The following MEIS1 variants were observed in gnomAD, a reference collection of about 807,000 sequenced individuals.
MEIS1 encodes homeobox protein Meis1.
In MEIS1, 5 loss-of-function variants were observed where a neutral mutation model predicts 50.8. The observed-to-expected ratio is 0.10, with a 90% confidence interval of 0.05 to 0.21. The LOEUF (loss-of-function observed/expected upper bound fraction) is 0.21, where lower values mean the gene tolerates loss of function less well. Among genes scored for constraint, MEIS1 ranks in the 10% least tolerant of loss-of-function variants. MEIS1 has a pLI of 1.00. For missense variants in MEIS1, 318 were observed against 517.3 expected, an observed-to-expected ratio of 0.61 and a Z score of 3.74; for synonymous variants, 176 against 179.3, an observed-to-expected ratio of 0.98 and a Z score of 0.15.
In MEIS1 at chr2:66,435,234, A is replaced by T. The variant is rs1291690603; in HGVS notation, c.-623A>T. The T allele has an allele frequency of 1.3e-5, 2 of 152,634 alleles. No homozygotes were observed. Among genetic ancestry groups the T allele is most frequent in the Non-Finnish European group, 2.9e-5 (2 of 68,380 alleles). 9.5% of individuals were successfully genotyped at this position (152,634 alleles called of 1,614,324 possible). On this transcript the variant is annotated 5_prime_UTR_variant, in exon 1 of 13. Coordinates refer to ENST00000272369, the MANE Select transcript of MEIS1 (RefSeq NM_002398.3). ...GCTCCTTTAAGACAAACTCAGACAGACATTTTTTTTAACCCTCCTTCTCTA... is the reference window on the plus strand; with the variant it reads ...GCTCCTTTAAGACAAACTCAGACAGTCATTTTTTTTAACCCTCCTTCTCTA...
chr2:66,562,592 G>C (rs1201580048), intron 9 of MEIS1, among the ~76,000 whole-genome samples: 1 of 151,926 alleles, frequency 6.6e-6, no homozygotes, highest in Admixed American at 6.6e-5. Context: ...TTGCTCCCCT[G>C]CCAACTTTCC....
intron 7 of MEIS1, among the ~76,000 whole-genome samples, chr2:66,498,213 G>A (rs903494560): frequency 5.9e-5 from 9 of 152,016 alleles, no homozygotes; most frequent in African/African-American, 1.4e-4. Context: ...ACTCACATTC[G>A]CTGAGCTAAG....
At chr2:66,519,703 A>C (rs895049817) in intron 8 of MEIS1, among the ~76,000 whole-genome samples, 3 of 152,220 alleles carry the variant, frequency 2.0e-5, no homozygotes, top group African/African-American at 7.2e-5. Flanking sequence ...CCTCTATCTA[A>C]AGAAAAGGTA....
Position 66,469,810 on chromosome 2 carries a change from A to G in MEIS1, c.742+5590A>G, listed in dbSNP as rs572865947. Among the ~76,000 whole-genome samples the G allele has an allele frequency of 2.0e-5, 3 of 152,246 alleles. No individual in the cohort carries two copies. The East Asian group carries it at 5.8e-4, about 29-fold the overall frequency. ...TTGAGAGTGGTTGAGGCCACAGAAG[A>G]TATTTTAATTTGAAAAACTACCGTA... On this transcript the variant is annotated intron_variant, in intron 7 of 12. Transcript: ENST00000272369.
intron 7 of MEIS1, among the ~76,000 whole-genome samples, chr2:66,476,688 C>A (rs1672900745): frequency 6.6e-6 from 1 of 152,144 alleles, no homozygotes; most frequent in Non-Finnish European, 1.5e-5. Flanking sequence ...CCATGGTGGC[C>A]ATTTTTAATG....
In MEIS1 at chr2:66,452,043, A is replaced by G. The variant is rs114260783; in HGVS notation, c.630+8995A>G. The stretch of plus-strand genomic sequence containing the variant: ...TATATAGAAAATTTGAAATAGCAGC[A>G]AATAGGTAAGATGCTATTTGCTATT... On this transcript the variant is annotated intron_variant, in intron 6 of 12. Transcript: ENST00000272369. Among the ~76,000 whole-genome samples the G allele has an allele frequency of 2.2e-3, 342 of 152,108 alleles. 1 individual carries two copies. The highest frequency in any genetic ancestry group is 7.3e-3 in the African/African-American group (302 of 41,570).
intron 8 of MEIS1, among the ~76,000 whole-genome samples, chr2:66,520,203 G>A (rs1266768361): frequency 2.6e-5 from 4 of 151,870 alleles, no homozygotes; most frequent in East Asian, 1.9e-4. Flanking sequence ...GGCCGGGCGC[G>A]GTGGCTCATG....
At chr2:66,491,357 T>C (rs778468098) in intron 7 of MEIS1, among the ~76,000 whole-genome samples, 1 of 152,242 alleles carries the variant, frequency 6.6e-6, no homozygotes, top group Non-Finnish European at 1.5e-5. Flanking sequence ...GCCCTTTCAA[T>C]TGCAGGTTAA....
At chr2:66,533,607 C>T (rs1016034019) in intron 8 of MEIS1, among the ~76,000 whole-genome samples, 2 of 152,184 alleles carry the variant, frequency 1.3e-5, no homozygotes, top group South Asian at 4.1e-4. Context: ...GAAGTTGTAG[C>T]TAAGCATAAA....
At chr2:66,452,053 G>T (rs1672288532) in intron 6 of MEIS1, among the ~76,000 whole-genome samples, 1 of 151,884 alleles carries the variant, frequency 6.6e-6, no homozygotes, top group South Asian at 2.1e-4. Flanking sequence ...AAATAGGTAA[G>T]ATGCTATTTG....
chr2:66,518,095 A>G (rs1159964141), intron 8 of MEIS1, among the ~76,000 whole-genome samples: 2 of 152,112 alleles, frequency 1.3e-5, no homozygotes, highest in East Asian at 1.9e-4. Context: ...TTTCTTCCCC[A>G]CTTGTAGTTA....
intron 2 of MEIS1, 84 bp from the exon 3 acceptor site, chr2:66,439,759 C>T (rs1671907540): frequency 1.2e-6 from 2 of 1,605,108 alleles, no homozygotes; most frequent in Admixed American, 1.7e-5. Flanking sequence ...CCTCTTGCTC[C>T]TCCAGCTGTT....
At chr2:66,495,342 G>C (rs1037306233) in intron 7 of MEIS1, among the ~76,000 whole-genome samples, 12 of 152,004 alleles carry the variant, frequency 7.9e-5, no homozygotes, top group African/African-American at 2.9e-4. Flanking sequence ...TCCAGCTTTG[G>C]GTCTGCAGTG....
intron 8 of MEIS1, among the ~76,000 whole-genome samples, chr2:66,521,239 A>G (rs561250425): frequency 1.3e-5 from 2 of 152,334 alleles, no homozygotes; most frequent in East Asian, 3.9e-4. Flanking sequence ...TTACAGAAAT[A>G]TGTAATTCTC....
At chr2:66,450,606 C>G (rs907985609) in intron 6 of MEIS1, among the ~76,000 whole-genome samples, 1 of 152,074 alleles carries the variant, frequency 6.6e-6, no homozygotes, top group African/African-American at 2.4e-5. Context: ...TACGTTTTAA[C>G]CAAATACAAA....
chr2:66,469,954 T>C (rs1672729038), intron 7 of MEIS1, among the ~76,000 whole-genome samples: 1 of 151,362 alleles, frequency 6.6e-6, no homozygotes, highest in South Asian at 2.1e-4. Context: ...CACGAAAAAA[T>C]CTAACATATT....
Position 66,513,439 on chromosome 2 carries a change from C to T in MEIS1, c.888+1145C>T, listed in dbSNP as rs368140398. On this transcript the variant is annotated intron_variant, in intron 8 of 12. Transcript: ENST00000272369. ...AAGCCATGTTCCTCAGTGAGTTTTA[C>T]GGGTACAGAGATACAAACTCAGGGG... Among the ~76,000 whole-genome samples, 159 of 152,138 alleles carry T rather than the reference C, an allele frequency of 1.0e-3. No homozygotes were observed. The Middle Eastern group carries it at 0.014, about 13-fold the overall frequency.
intron 8 of MEIS1, among the ~76,000 whole-genome samples, chr2:66,539,751 TA>T (rs1274042272): frequency 6.6e-6 from 1 of 152,206 alleles, no homozygotes; most frequent in South Asian, 2.1e-4. Context: ...CTACTATTAA[TA>T]AAGTTCCTTT....
chr2:66,542,265 T>C (rs1472269884), intron 8 of MEIS1, among the ~76,000 whole-genome samples: 3 of 152,178 alleles, frequency 2.0e-5, no homozygotes. Flanking sequence ...ATCTAATAGT[T>C]AAAAACCATA....
Sources: allele counts gnomAD v4.1 joint callset (sites outside exome capture counted in the v4.1 genomes callset), GRCh38; gene constraint gnomAD v4.1.1; transcripts MANE v1.5; gene names NCBI Gene and HGNC (gene_info 2026-07-23, HGNC 2026-07-21).